The following LRP1B variants were observed in gnomAD, a reference collection of about 807,000 sequenced individuals.
The protein encoded by LRP1B is LDL receptor related protein 1B, also known as low-density lipoprotein receptor-related protein 1B.
LRP1B carries 217 observed loss-of-function variants against 556.6 expected under a neutral mutation model. The observed-to-expected ratio is 0.39, with a 90% CI of 0.35 to 0.44. The LOEUF (loss-of-function observed/expected upper bound fraction) is 0.44. Among genes scored for constraint, LRP1B ranks in the 20% least tolerant of loss-of-function variants. The pLI is 1.00. For synonymous variants in LRP1B, 2,047 were observed against 1,865.8 expected, an observed-to-expected ratio of 1.10 and a Z score of -2.50; for missense variants, 5,053 against 5,620.8, an observed-to-expected ratio of 0.90 and a Z score of 3.23.
At chr2:140,310,041 A>AAGC (rs1684231463) in intron 83 of LRP1B, among the ~76,000 whole-genome samples, 2 of 151,766 alleles carry the variant, frequency 1.3e-5, no homozygotes, top group Admixed American at 1.3e-4. Flanking sequence ...TGCTTGCTGC[A>AAGC]AAGTTTGCAT....
intron 1 of LRP1B, among the ~76,000 whole-genome samples, chr2:141,890,390 A>ATGTATTGTGTATATATATATATATGTATT (rs375936846): frequency 0.017 from 2,367 of 135,942 alleles, 129 homozygotes; most frequent in African/African-American, 0.063. Flanking sequence ...ATACATATAT[A>ATGTATTGTGTATATATATATATATGTATT]GTGTATATAT....
chr2:141,341,510 C>T (rs1351576952), intron 3 of LRP1B, among the ~76,000 whole-genome samples: 2 of 152,146 alleles, frequency 1.3e-5, no homozygotes, highest in East Asian at 3.8e-4. Flanking sequence ...TTACGTCTCA[C>T]AATGCTTTAT....
At chr2:141,087,971 T>A (rs1007830836) in intron 7 of LRP1B, among the ~76,000 whole-genome samples, 1 of 152,194 alleles carries the variant, frequency 6.6e-6, no homozygotes, top group Non-Finnish European at 1.5e-5. Context: ...TTGTCCAAAA[T>A]GAAATAATAT....
chr2:140,340,682 G>C (rs979040821), intron 77 of LRP1B, among the ~76,000 whole-genome samples: 1 of 151,250 alleles, frequency 6.6e-6, no homozygotes, highest in Non-Finnish European at 1.5e-5. Flanking sequence ...AAAATAAGTA[G>C]ATTCTAACTT....
At chr2:140,877,352 A>T (rs1274659835) in intron 25 of LRP1B, among the ~76,000 whole-genome samples, 1 of 152,180 alleles carries the variant, frequency 6.6e-6, no homozygotes, top group African/African-American at 2.4e-5. Context: ...CAACCTGCTA[A>T]AAATGAGCTT....
Position 141,106,472 on chromosome 2 carries a change from A to T in LRP1B, c.1014-44199T>A, listed in dbSNP as rs369070294. On this transcript the variant is annotated intron_variant, in intron 7 of 90. Transcript: ENST00000389484. ...TATAACAAATTTCAGCAGAGTGAAG[A>T]TCACCTGGTGACCATCAAGCAGGCC... Among the ~76,000 whole-genome samples the T allele has an allele frequency of 2.0e-5, 3 of 152,202 alleles. No homozygotes were observed. In the East Asian group the frequency reaches 5.8e-4, roughly 29 times the overall value.
At chr2:141,393,714 A>G (rs993391880) in intron 3 of LRP1B, among the ~76,000 whole-genome samples, 20 of 152,154 alleles carry the variant, frequency 1.3e-4, no homozygotes, top group African/African-American at 4.8e-4. Flanking sequence ...TTGGAAGACA[A>G]GTTGTACAGA....
In LRP1B at chr2:141,156,443, A is replaced by G. The variant is rs147568204; in HGVS notation, c.1013+31978T>C. 6.7e-3 allele frequency among the ~76,000 whole-genome samples: 1,023 copies of G among 152,104 alleles called. 10 individuals carry two copies. Among genetic ancestry groups the G allele is most frequent in the African/African-American group, 0.023 (967 of 41,484 alleles). ...GGAGTTCAAGACCAGCCTGGCCAAC[A>G]CGGTGAAAACCCATCTCTACAAAAA... On this transcript the variant is annotated intron_variant, in intron 7 of 90. Coordinates refer to ENST00000389484, the MANE Select transcript of LRP1B (RefSeq NM_018557.3).
At chr2:140,693,723 G>A (rs1017651534) in intron 41 of LRP1B, among the ~76,000 whole-genome samples, 1 of 150,222 alleles carries the variant, frequency 6.7e-6, no homozygotes, top group Non-Finnish European at 1.5e-5. Flanking sequence ...GGTGGCGGGG[G>A]GGCGTGGAGA....
chr2:140,878,008 G>A (rs1693362435), intron 25 of LRP1B, among the ~76,000 whole-genome samples: 1 of 152,130 alleles, frequency 6.6e-6, no homozygotes, highest in Admixed American at 6.5e-5. Context: ...CACAGCTATG[G>A]TTGTGGAAGC....
At chr2:141,976,538 C>T (rs1701892628) in intron 1 of LRP1B, among the ~76,000 whole-genome samples, 1 of 151,964 alleles carries the variant, frequency 6.6e-6, no homozygotes, top group Non-Finnish European at 1.5e-5. Context: ...CTTGTCTGGA[C>T]AATAAAGATA....
At chr2:141,446,835 G>A (rs1199661583) in intron 3 of LRP1B, among the ~76,000 whole-genome samples, 1 of 152,124 alleles carries the variant, frequency 6.6e-6, no homozygotes, top group East Asian at 1.9e-4. Flanking sequence ...CTCACTGGCT[G>A]CCTTTAATGT....
intron 2 of LRP1B, among the ~76,000 whole-genome samples, chr2:141,592,075 A>G (rs1233863567): frequency 6.6e-6 from 1 of 151,892 alleles, no homozygotes; most frequent in Non-Finnish European, 1.5e-5. Flanking sequence ...CACTCCCCTC[A>G]ACCCCACATC....
chr2:141,865,819 G>T (rs1698395806), intron 1 of LRP1B, among the ~76,000 whole-genome samples: 1 of 152,208 alleles, frequency 6.6e-6, no homozygotes, highest in South Asian at 2.1e-4. Context: ...GTTTACACAA[G>T]GTCATGCTGG....
intron 2 of LRP1B, among the ~76,000 whole-genome samples, chr2:141,690,408 T>TATATAG: frequency 1.6e-5 from 1 of 63,944 alleles, no homozygotes; most frequent in African/African-American, 6.1e-5. Flanking sequence ...TATATATATA[T>TATATAG]ATATATATAT....
chr2:141,758,337 T>C (rs533189776), intron 2 of LRP1B, among the ~76,000 whole-genome samples: 45 of 152,350 alleles, frequency 3.0e-4, no homozygotes, highest in African/African-American at 1.1e-3. Context: ...CAGTATTGCA[T>C]ATAAAAATCT....
chr2:140,982,812 TGA>T (rs1401078893), intron 17 of LRP1B, among the ~76,000 whole-genome samples: 10 of 152,054 alleles, frequency 6.6e-5, no homozygotes, highest in Non-Finnish European at 1.0e-4. Context: ...CTGTATGCAG[TGA>T]GAGTGCAGAG....
intron 79 of LRP1B, among the ~76,000 whole-genome samples, chr2:140,329,524 G>A (rs10208226): frequency 0.3 from 46,292 of 151,850 alleles, 7,977 homozygotes; most frequent in Non-Finnish European, 0.4. Flanking sequence ...AGCTTCTTAA[G>A]TTGATAAGCA....
chr2:142,110,777 A>C (rs1392930451), intron 1 of LRP1B, among the ~76,000 whole-genome samples: 2 of 152,134 alleles, frequency 1.3e-5, no homozygotes, highest in Non-Finnish European at 2.9e-5. Flanking sequence ...CTCACTCTTC[A>C]GGAGTTCATC....
Sources: allele counts gnomAD v4.1 joint callset (sites outside exome capture counted in the v4.1 genomes callset), GRCh38; gene constraint gnomAD v4.1.1; transcripts MANE v1.5; gene names NCBI Gene and HGNC (gene_info 2026-07-23, HGNC 2026-07-21).